Variants in ERC1 observed in about 807,000 individuals in gnomAD.
ERC1 encodes ELKS/RAB6-interacting/CAST family member 1, also known as RAB6 interacting protein 2.
A neutral mutation model predicts 132.0 loss-of-function variants in ERC1; 56 were observed. That is an observed-to-expected ratio of 0.42 (90% confidence interval 0.34 to 0.53). The LOEUF (loss-of-function observed/expected upper bound fraction) is 0.53, where lower values mean the gene tolerates loss of function less well. Ranked by LOEUF, ERC1 falls within the 20% of genes least tolerant of loss-of-function variation. The probability of loss-of-function intolerance (pLI) is 0.03; values close to 1 mark genes in which losing one functional copy is unlikely to be tolerated. For missense variants in ERC1, 1,202 were observed against 1,349.9 expected (o/e 0.89, Z 1.72); for synonymous variants, 478 against 476.1 (o/e 1.00, Z -0.05).
intron 16 of ERC1, among the ~76,000 whole-genome samples, chr12:1,388,787 A>G (rs1229447414): frequency 1.3e-5 from 2 of 152,190 alleles, no homozygotes; most frequent in East Asian, 3.8e-4. Context: ...TGATGAGGAC[A>G]AGAATATAGG....
chr12:1,272,305 G>A (rs1246803498), intron 14 of ERC1, among the ~76,000 whole-genome samples: 1 of 152,208 alleles, frequency 6.6e-6, no homozygotes, highest in Non-Finnish European at 1.5e-5. Context: ...CCAAGGGGAG[G>A]CACTGCTCTC....
chr12:1,427,749 T>C (rs1374420443), intron 17 of ERC1, among the ~76,000 whole-genome samples: 1 of 152,184 alleles, frequency 6.6e-6, no homozygotes, highest in Non-Finnish European at 1.5e-5. Flanking sequence ...TCATAAAACC[T>C]ATGCCAAAGG....
chr12:993,492 T>C (rs1231612315), intron 1 of ERC1, among the ~76,000 whole-genome samples: 1 of 152,260 alleles, frequency 6.6e-6, no homozygotes, highest in African/African-American at 2.4e-5. Flanking sequence ...TGTTGCTTGC[T>C]AGTCATTACT....
At chr12:1,136,315 G>A (rs1156249674) in intron 7 of ERC1, among the ~76,000 whole-genome samples, 3 of 152,068 alleles carry the variant, frequency 2.0e-5, no homozygotes, top group Non-Finnish European at 4.4e-5. Flanking sequence ...CTGCTCAAAG[G>A]TTCTTCCATT....
chr12:1,479,283 C>A (rs2094038357), intron 18 of ERC1, among the ~76,000 whole-genome samples: 1 of 152,158 alleles, frequency 6.6e-6, no homozygotes, highest in Non-Finnish European at 1.5e-5. Flanking sequence ...TTTCCACTTA[C>A]TCTTTGGAAT....
intron 8 of ERC1, among the ~76,000 whole-genome samples, chr12:1,143,470 C>G (rs1950048041): frequency 6.6e-6 from 1 of 151,254 alleles, no homozygotes; most frequent in East Asian, 1.9e-4. Context: ...TTCTTATTTT[C>G]TAGTGATATT....
rs914645734 is a variant in ERC1, at chr12:1,083,195, A to G, written c.701A>G (p.Asp234Gly). 1.9e-6 allele frequency: 3 copies of G among 1,613,816 alleles called. No homozygotes were observed. The highest frequency in any genetic ancestry group is 2.2e-5 in the South Asian group (2 of 91,032). Reference sequence around the variant, plus strand: ...CAGATGACAATCCAGGCTCTCCAGGATGAATTGCGGATCCAGAGGGACCTG... The same window carrying G: ...CAGATGACAATCCAGGCTCTCCAGGGTGAATTGCGGATCCAGAGGGACCTG... The part of the protein sequence containing the change: ...HMQMTIQALQ[D>G]ELRIQRDLNQ... Residue 234 changes from aspartate to glycine, a missense_variant, in exon 3 of 19, where the codon GAT becomes GGT. Transcript: ENST00000360905.
chr12:1,261,604 A>G (rs145418503), intron 13 of ERC1, among the ~76,000 whole-genome samples: 21 of 152,238 alleles, frequency 1.4e-4, no homozygotes, highest in Non-Finnish European at 2.9e-4. Flanking sequence ...CCTCCACTGT[A>G]CTGTGCTGCT....
At position 1,196,426 on chromosome 12, in the gene ERC1, T is replaced by G. The variant is rs7301231; in HGVS notation, c.2351+6374T>G. 9.1e-3 allele frequency among the ~76,000 whole-genome samples: 1,381 copies of G among 152,236 alleles called. 22 individuals are homozygous for G. Among genetic ancestry groups the G allele is most frequent in the African/African-American group, 0.032 (1,329 of 41,514 alleles). ...CAGTTTGTTTAGTTATATTTGTTCA[T>G]TTTAGCTGCCCTGTCTACATCATGA... On this transcript the variant is annotated intron_variant, in intron 12 of 18. Transcript: ENST00000360905.
intron 12 of ERC1, among the ~76,000 whole-genome samples, chr12:1,213,582 C>T (rs1230128613): frequency 6.6e-6 from 1 of 151,962 alleles, no homozygotes; most frequent in East Asian, 1.9e-4. Context: ...ACTAAAAATA[C>T]AGAAACTGCC....
At chr12:1,023,866 A>G (rs143770304) in intron 1 of ERC1, among the ~76,000 whole-genome samples, 181 of 152,372 alleles carry the variant, frequency 1.2e-3, no homozygotes, top group South Asian at 4.1e-3. Context: ...AAAAGTGTTC[A>G]TTAACTAAGG....
chr12:1,039,535 AAAAG>A (rs951438035), intron 2 of ERC1, among the ~76,000 whole-genome samples: 8 of 151,778 alleles, frequency 5.3e-5, no homozygotes, highest in African/African-American at 1.2e-4. Flanking sequence ...GTCAAAAAAA[AAAAG>A]AAAGAAAAGA....
chr12:1,304,830 C>T, intron 15 of ERC1, among the ~76,000 whole-genome samples: 1 of 122,574 alleles, frequency 8.2e-6, no homozygotes, highest in South Asian at 2.9e-4. Context: ...CGCTCTGCTG[C>T]CCGGGCTGGA....
chr12:1,423,829 C>G (rs1321083691), intron 17 of ERC1, among the ~76,000 whole-genome samples: 2 of 152,128 alleles, frequency 1.3e-5, no homozygotes, highest in African/African-American at 4.8e-5. Flanking sequence ...TGTGAAACAT[C>G]CCTTTTGATT....
chr12:1,431,917 A>C (rs1265526234), intron 17 of ERC1, among the ~76,000 whole-genome samples: 1 of 152,108 alleles, frequency 6.6e-6, no homozygotes, highest in Admixed American at 6.5e-5. Flanking sequence ...TTTGTTTTTG[A>C]GACAGGGAGT....
chr12:1,441,987 G>T (rs2093168052), intron 17 of ERC1, among the ~76,000 whole-genome samples: 1 of 152,166 alleles, frequency 6.6e-6, no homozygotes, highest in Non-Finnish European at 1.5e-5. Context: ...GAGTGCAGTG[G>T]TGTGATCTCT....
intron 3 of ERC1, among the ~76,000 whole-genome samples, chr12:1,091,803 ATAGT>A (rs1943257840): frequency 6.6e-6 from 1 of 152,166 alleles, no homozygotes; most frequent in Non-Finnish European, 1.5e-5. Flanking sequence ...ACAAGGGAGT[ATAGT>A]AAGGAATTTA....
intron 3 of ERC1, among the ~76,000 whole-genome samples, chr12:1,091,423 G>A (rs1383404427): frequency 1.3e-5 from 2 of 152,140 alleles, no homozygotes; most frequent in Non-Finnish European, 2.9e-5. Flanking sequence ...AGCATTAACA[G>A]TTTTAAAGAC....
intron 16 of ERC1, among the ~76,000 whole-genome samples, chr12:1,400,455 G>A (rs7968583): frequency 0.51 from 77,277 of 151,398 alleles, 22,339 homozygotes; most frequent in African/African-American, 0.79. Flanking sequence ...TTCTTTTGCC[G>A]CTTTCGCTCT....
Sources: gnomAD v4.1 joint callset for allele counts (sites outside exome capture counted in the v4.1 genomes callset) on GRCh38, gnomAD v4.1.1 for gene constraint, MANE v1.5 for transcripts, NCBI Gene and HGNC (gene_info 2026-07-23, HGNC 2026-07-21) for gene names.